The following FIGNL2 variants were observed in gnomAD, a reference collection of about 807,000 sequenced individuals.
FIGNL2 encodes fidgetin-like protein 2.
For missense variants in FIGNL2, 1,060 were observed against 950.2 expected (o/e 1.12, Z -1.52); for synonymous variants, 565 against 484.0 (o/e 1.17, Z -2.20).
chr12:51,843,043 C>T (rs1184800010), intron 1 of FIGNL2, among the ~76,000 whole-genome samples: 1 of 152,140 alleles, frequency 6.6e-6, no homozygotes, highest in Non-Finnish European at 1.5e-5. Context: ...TTGGGCTCTC[C>T]CTGGCCATGT....
chr12:51,825,762 G>C (rs565125407), intron 1 of FIGNL2: 2 of 151,690 alleles, frequency 1.3e-5, no homozygotes, highest in African/African-American at 4.8e-5. Flanking sequence ...GACTACAGGC[G>C]CCCGCTACCA....
At position 51,818,567 on chromosome 12, in the gene FIGNL2, G is replaced by A. The variant is rs951278880; in HGVS notation, c.*1885C>T. ...TGGGGGGGAACAGAGCAGCCTTCTG[G>A]TCAGCACTCCTAGGCCAGCACAGGC... On this transcript the variant is annotated 3_prime_UTR_variant, in exon 2 of 2. Coordinates refer to ENST00000618634, the MANE Select transcript of FIGNL2 (RefSeq NM_001384995.1). The A allele has an allele frequency of 1.3e-5, 2 of 152,362 alleles. No individual in the cohort carries two copies. The highest frequency in any genetic ancestry group is 6.5e-5 in the Admixed American group (1 of 15,276). 9.4% of individuals were successfully genotyped at this position (152,362 alleles called of 1,614,324 possible).
intron 1 of FIGNL2, among the ~76,000 whole-genome samples, chr12:51,825,394 C>T (rs1242783587): frequency 6.6e-6 from 1 of 152,170 alleles, no homozygotes; most frequent in East Asian, 1.9e-4. Flanking sequence ...TCTCACCAGC[C>T]CCTGGCCTGG....
At chr12:51,834,899 G>A (rs1176103216) in intron 1 of FIGNL2, among the ~76,000 whole-genome samples, 2 of 152,178 alleles carry the variant, frequency 1.3e-5, no homozygotes, top group East Asian at 3.9e-4. Flanking sequence ...CTGCCAGATG[G>A]GCATTATTCT....
At position 51,821,550 on chromosome 12, in the gene FIGNL2, G is replaced by C; in HGVS notation, c.864C>G (p.Ala288=). The C allele has an allele frequency of 6.4e-7, 1 of 1,551,708 alleles. No homozygotes were observed. The highest frequency in any genetic ancestry group is 8.6e-7 in the Non-Finnish European group (1 of 1,157,450). The change falls in exon 2 of 2, where the codon GCC becomes GCG. Residue 288 remains alanine, a synonymous_variant. Transcript: ENST00000618634. The part of the protein sequence containing the change: ...YRKYAYEPAK[A]PVADGASYPA... The stretch of plus-strand genomic sequence containing the variant: ...GGTAGGAGGCTCCGTCAGCCACGGG[G>C]GCCTTGGCGGGCTCGTACGCGTACT...
At chr12:51,831,913 T>A (rs982738380) in intron 1 of FIGNL2, 3 of 152,954 alleles carry the variant, frequency 2.0e-5, no homozygotes, top group African/African-American at 7.2e-5. Flanking sequence ...TCCCCATAGC[T>A]CACTGCAGCC....
At chr12:51,847,430 C>T (rs1377607517) in intron 1 of FIGNL2, 1 of 985,376 alleles carries the variant, frequency 1.0e-6, no homozygotes, top group African/African-American at 1.7e-5. Context: ...TCCGCCGCCA[C>T]AGCCCGTGCG....
chr12:51,828,783 A>G (rs1339739334), intron 1 of FIGNL2, among the ~76,000 whole-genome samples: 2 of 152,214 alleles, frequency 1.3e-5, no homozygotes, highest in African/African-American at 4.8e-5. Flanking sequence ...GATCATGGCC[A>G]AGACATGAGT....
intron 1 of FIGNL2, among the ~76,000 whole-genome samples, chr12:51,838,562 C>T (rs1939613332): frequency 6.6e-6 from 1 of 152,172 alleles, no homozygotes; most frequent in African/African-American, 2.4e-5. Flanking sequence ...GCCTCAGAGT[C>T]AGCCTCTGAG....
chr12:51,822,099 G>C lies in FIGNL2; in HGVS notation c.315C>G (p.Pro105=), dbSNP rs761297136. Residue 105 remains proline, a synonymous_variant, in exon 2 of 2, where the codon CCC becomes CCG. Transcript: ENST00000618634. ...DPEPWPGPEP[P]YPLASLHEGL... Reference sequence around the variant, plus strand: ...CTTCGTGGAGTGAGGCCAAGGGGTAGGGTGGCTCCGGCCCTGGCCAGGGCT... The same window carrying C: ...CTTCGTGGAGTGAGGCCAAGGGGTACGGTGGCTCCGGCCCTGGCCAGGGCT... 2 of 1,611,132 alleles carry C rather than the reference G, an allele frequency of 1.2e-6. No homozygotes were observed. Among genetic ancestry groups the C allele is most frequent in the African/African-American group, 2.7e-5 (2 of 75,008 alleles).
intron 1 of FIGNL2, among the ~76,000 whole-genome samples, chr12:51,843,174 G>A (rs180892825): frequency 2.6e-5 from 4 of 152,190 alleles, no homozygotes; most frequent in Admixed American, 2.0e-4. Context: ...GGACACCCGC[G>A]GGAGCAGCTG....
chr12:51,824,713 C>T (rs571786014), intron 1 of FIGNL2, among the ~76,000 whole-genome samples: 2 of 152,276 alleles, frequency 1.3e-5, no homozygotes, highest in Admixed American at 1.3e-4. Context: ...CATCAGAAAT[C>T]ACAAATGGTT....
intron 1 of FIGNL2, chr12:51,845,447 C>G: frequency 1.0e-6 from 1 of 952,422 alleles, no homozygotes; most frequent in Non-Finnish European, 1.2e-6. Context: ...TACTTGACCT[C>G]TTGTGGCTCA....
chr12:51,825,287 T>C (rs1939314520), intron 1 of FIGNL2, among the ~76,000 whole-genome samples: 1 of 152,148 alleles, frequency 6.6e-6, no homozygotes, highest in Non-Finnish European at 1.5e-5. Flanking sequence ...GACTCAGATC[T>C]GGACTTGTCC....
intron 1 of FIGNL2, among the ~76,000 whole-genome samples, chr12:51,837,569 C>T (rs1052534580): frequency 6.6e-6 from 1 of 152,208 alleles, no homozygotes; most frequent in African/African-American, 2.4e-5. Flanking sequence ...GCAACCTCAT[C>T]AGAGCTGCTA....
At chr12:51,826,771 G>C (rs1323633597) in intron 1 of FIGNL2, among the ~76,000 whole-genome samples, 1 of 152,092 alleles carries the variant, frequency 6.6e-6, no homozygotes, top group African/African-American at 2.4e-5. Flanking sequence ...GCTGCCAAAG[G>C]ACCAGCCCCA....
chr12:51,846,633 C>T (rs1180970106), intron 1 of FIGNL2, among the ~76,000 whole-genome samples: 1 of 152,108 alleles, frequency 6.6e-6, no homozygotes, highest in Non-Finnish European at 1.5e-5. Context: ...CAGCCCAGCC[C>T]TCAGCCATAC....
rs1490962685 is a variant in FIGNL2, at chr12:51,821,405, CG to C, written c.1008del (p.Val337SerfsTer42). 6.5e-7 allele frequency: 1 copy of C among 1,528,796 alleles called. No homozygotes were observed. The highest frequency in any genetic ancestry group is 8.8e-7 in the Non-Finnish European group (1 of 1,140,342). The allele number at this position is 1,528,796 out of a possible 1,614,324, so 94.7% of individuals were successfully genotyped here. ...GGVPLKVLGS[P>X]VYGPQLEPFE... ...AAGGGCTCCAGTTGCGGGCCGTAGA[CG>C]GGGGAGCCCAGGACCTTGAGGGGGA... On this transcript the variant is annotated frameshift_variant, in exon 2 of 2. Coordinates refer to ENST00000618634, the MANE Select transcript of FIGNL2 (RefSeq NM_001384995.1). LOFTEE classifies it low-confidence loss of function (END_TRUNC).
At chr12:51,845,620 C>T (rs968332526) in intron 1 of FIGNL2, 199 of 985,228 alleles carry the variant, frequency 2.0e-4, no homozygotes, top group South Asian at 4.7e-4. Context: ...GTAAAGGAGT[C>T]GATAACCGCC....
Sources: gnomAD v4.1 joint callset for allele counts (sites outside exome capture counted in the v4.1 genomes callset) on GRCh38, gnomAD v4.1.1 for gene constraint, MANE v1.5 for transcripts, NCBI Gene and HGNC (gene_info 2026-07-23, HGNC 2026-07-21) for gene names.